The following NCALD variants were observed in gnomAD, a reference collection of about 807,000 sequenced individuals.
NCALD encodes the protein neurocalcin-delta.
Under a neutral mutation model 18.6 loss-of-function variants are expected in NCALD, and 10 were observed. That is an observed-to-expected ratio of 0.54 (90% CI 0.33 to 0.91). The LOEUF is 0.91. NCALD is among the 40% of genes least tolerant of loss of function. NCALD has a pLI of 0.03. For missense variants in NCALD, 184 were observed against 247.6 expected (o/e 0.74, Z 1.72); for synonymous variants, 88 against 87.4 (o/e 1.01, Z -0.04).
intron 1 of NCALD, among the ~76,000 whole-genome samples, chr8:101,777,031 C>T (rs554369144): frequency 1.3e-5 from 2 of 152,080 alleles, no homozygotes; most frequent in African/African-American, 4.8e-5. Flanking sequence ...CAGTCTCCCC[C>T]CAAAAGACAT....
At chr8:101,988,143 A>C (rs1820890173) in intron 2 of NCALD, among the ~76,000 whole-genome samples, 1 of 132,818 alleles carries the variant, frequency 7.5e-6, no homozygotes, top group Non-Finnish European at 1.5e-5. Context: ...CGAAACAGCG[A>C]GACTCCGTCT....
intron 3 of NCALD, among the ~76,000 whole-genome samples, chr8:101,909,829 T>G (rs111459657): frequency 1.1e-3 from 162 of 152,316 alleles, no homozygotes; most frequent in African/African-American, 3.8e-3. Context: ...ATTTACACCT[T>G]AAGAACAGAG....
intron 2 of NCALD, among the ~76,000 whole-genome samples, chr8:102,003,659 A>G (rs1282170718): frequency 6.6e-6 from 1 of 152,238 alleles, no homozygotes; most frequent in Non-Finnish European, 1.5e-5. Context: ...ATCTAGCAGC[A>G]CATCAACAAG....
At chr8:102,000,499 A>C (rs1362228077) in intron 2 of NCALD, among the ~76,000 whole-genome samples, 1 of 152,216 alleles carries the variant, frequency 6.6e-6, no homozygotes, top group Admixed American at 6.5e-5. Flanking sequence ...TGCAGACTTA[A>C]ATGTCCCTGT....
chr8:102,098,947 CT>C lies in NCALD; in HGVS notation c.-210+25289del, dbSNP rs576635311. Among the ~76,000 whole-genome samples the C allele has an allele frequency of 5.3e-5, 8 of 152,198 alleles. No individual in the cohort carries two copies. In the South Asian group the frequency reaches 1.7e-3, roughly 32 times the overall value. ...CAGAGCTACTATAGAAGTTTTTTTC[CT>C]TTTTCTAAGCTTGTTAATTGTGAGG... On this transcript the variant is annotated intron_variant, in intron 1 of 6. Coordinates refer to the NCALD transcript ENST00000311028.
intron 2 of NCALD, among the ~76,000 whole-genome samples, chr8:102,018,189 T>G (rs1822153932): frequency 6.6e-6 from 1 of 152,194 alleles, no homozygotes; most frequent in Admixed American, 6.5e-5. Context: ...TTAAAAATAG[T>G]GTTTAACATA....
intron 1 of NCALD, among the ~76,000 whole-genome samples, chr8:102,072,487 A>G (rs1305549870): frequency 6.6e-6 from 1 of 152,178 alleles, no homozygotes; most frequent in Non-Finnish European, 1.5e-5. Flanking sequence ...TGACAGTATC[A>G]TCTGGCTAAG....
chr8:102,059,332 T>C (rs996652407), intron 1 of NCALD, among the ~76,000 whole-genome samples: 1 of 152,210 alleles, frequency 6.6e-6, no homozygotes, highest in African/African-American at 2.4e-5. Flanking sequence ...CAAGTGGGTA[T>C]ATTGTGATTA....
At chr8:102,119,892 T>C (rs1825894870) in intron 1 of NCALD, among the ~76,000 whole-genome samples, 1 of 152,230 alleles carries the variant, frequency 6.6e-6, no homozygotes, top group Non-Finnish European at 1.5e-5. Flanking sequence ...GGTCAAATAG[T>C]TGAGTAAAAA....
chr8:101,887,784 T>C (rs954283209), intron 3 of NCALD, among the ~76,000 whole-genome samples: 8 of 152,110 alleles, frequency 5.3e-5, no homozygotes, highest in African/African-American at 1.7e-4. Context: ...TCAAACTCAC[T>C]TATACAAATA....
At chr8:102,025,775 CT>C (rs1822433262) in intron 1 of NCALD, among the ~76,000 whole-genome samples, 1 of 152,142 alleles carries the variant, frequency 6.6e-6, no homozygotes, top group Non-Finnish European at 1.5e-5. Context: ...GAACGTATGT[CT>C]ACAGGTATAC....
At chr8:101,760,562 T>A (rs973936923) in intron 1 of NCALD, among the ~76,000 whole-genome samples, 1 of 152,124 alleles carries the variant, frequency 6.6e-6, no homozygotes, top group Non-Finnish European at 1.5e-5. Flanking sequence ...TCTTGCTAAT[T>A]CAGATAGATG....
intron 1 of NCALD, among the ~76,000 whole-genome samples, chr8:102,036,383 T>C (rs908102304): frequency 6.6e-6 from 1 of 151,824 alleles, no homozygotes; most frequent in African/African-American, 2.4e-5. Flanking sequence ...TAAAAATAAG[T>C]AAAGTTCAGG....
chr8:101,836,399 CACTT>C, intron 4 of NCALD, among the ~76,000 whole-genome samples: 1 of 152,342 alleles, frequency 6.6e-6, no homozygotes, highest in Non-Finnish European at 1.5e-5. Flanking sequence ...TGCAGAGACT[CACTT>C]ACCCGTCCTG....
chr8:102,051,081 G>T (rs1209202108), intron 1 of NCALD, among the ~76,000 whole-genome samples: 1 of 151,960 alleles, frequency 6.6e-6, no homozygotes, highest in African/African-American at 2.4e-5. Context: ...TCCAAAGCCT[G>T]AATGTGAGGT....
chr8:102,029,347 T>C (rs1822582139), intron 1 of NCALD, among the ~76,000 whole-genome samples: 1 of 152,196 alleles, frequency 6.6e-6, no homozygotes, highest in Non-Finnish European at 1.5e-5. Flanking sequence ...GGAATAAGTC[T>C]GTGGCGGGCC....
At chr8:102,112,764 G>A (rs75315083) in intron 1 of NCALD, among the ~76,000 whole-genome samples, 2,630 of 152,158 alleles carry the variant, frequency 0.017, 100 homozygotes, top group African/African-American at 0.06. Context: ...GCCCTCCCTG[G>A]GTGGAGGAGG....
chr8:101,756,096 T>A (rs370203331), intron 1 of NCALD, among the ~76,000 whole-genome samples: 5 of 140,842 alleles, frequency 3.6e-5, no homozygotes, highest in South Asian at 2.4e-4. Context: ...TTTTTTTTTT[T>A]AAATCAAGAC....
chr8:102,071,868 T>C (rs1449848972), intron 1 of NCALD, among the ~76,000 whole-genome samples: 3 of 152,150 alleles, frequency 2.0e-5, no homozygotes, highest in Non-Finnish European at 4.4e-5. Context: ...AGATATACAA[T>C]GAACATGGAT....
Sources: gnomAD v4.1 joint callset for allele counts (sites outside exome capture counted in the v4.1 genomes callset) on GRCh38, gnomAD v4.1.1 for gene constraint, MANE v1.5 for transcripts, NCBI Gene and HGNC (gene_info 2026-07-23, HGNC 2026-07-21) for gene names.